Variants in AKT2 observed in about 807,000 individuals in gnomAD.
The protein encoded by AKT2 is RAC-beta serine/threonine-protein kinase.
In AKT2, 16 loss-of-function variants were observed where a neutral mutation model predicts 58.6. The observed-to-expected ratio is 0.27, with a 90% CI of 0.18 to 0.41. The LOEUF is 0.41. Ranked by LOEUF, AKT2 falls within the 10% of genes least tolerant of loss-of-function variation. The pLI, the probability that AKT2 is intolerant of heterozygous loss-of-function variation, is 1.00. For missense variants in AKT2, 438 were observed against 661.0 expected, an observed-to-expected ratio of 0.66 and a Z score of 3.70; for synonymous variants, 253 against 254.0, an observed-to-expected ratio of 1.00 and a Z score of 0.04.
chr19:40,255,355 GGCCTAGCCCCAT>G lies in AKT2; in HGVS notation c.176-98_176-87del, dbSNP rs575248695. On this transcript the variant is annotated intron_variant, in intron 3 of 13. Coordinates refer to ENST00000392038, the MANE Select transcript of AKT2 (RefSeq NM_001626.6). ...CAAAGTGCCCGAGCCACCTCCCACA[GGCCTAGCCCCAT>G]GCTAGATGGTGCTGGGGACACTCTA... 21 of 1,064,142 alleles carry G rather than the reference GGCCTAGCCCCAT, an allele frequency of 2.0e-5. No individual in the cohort carries two copies. The East Asian group carries it at 4.5e-4, about 23-fold the overall frequency. The allele number at this position is 1,064,142 out of a possible 1,614,324, so 65.9% of individuals were successfully genotyped here. A position where few individuals can be genotyped will look rare whatever the true frequency, so the allele number is the denominator to read the frequency against.
chr19:40,271,279 TAGTC>T (rs1030780764), intron 1 of AKT2, among the ~76,000 whole-genome samples: 3 of 147,572 alleles, frequency 2.0e-5, no homozygotes, highest in African/African-American at 5.0e-5. Context: ...ATATATATAG[TAGTC>T]AGGTGTGGTG....
At chr19:40,260,749 C>T (rs767360349) in intron 2 of AKT2, among the ~76,000 whole-genome samples, 7 of 149,036 alleles carry the variant, frequency 4.7e-5, no homozygotes, top group Non-Finnish European at 7.4e-5. Context: ...TAAGAAGGAA[C>T]GACATATTGA....
At chr19:40,260,415 A>G (rs1470374751) in intron 2 of AKT2, among the ~76,000 whole-genome samples, 3 of 152,004 alleles carry the variant, frequency 2.0e-5, no homozygotes, top group African/African-American at 7.3e-5. Flanking sequence ...GCGGATCCCA[A>G]GGTCAAGAGA....
At chr19:40,282,463 T>C (rs2077440039) in intron 1 of AKT2, 1 of 493,876 alleles carries the variant, frequency 2.0e-6, no homozygotes, top group East Asian at 5.8e-5. Flanking sequence ...GGTTAAAGGA[T>C]GCCTTGCCTC....
rs1427586140 is a variant in AKT2 at position 40,230,930 on chromosome 19, C to T, written c.*2942G>A. On this transcript the variant is annotated 3_prime_UTR_variant, in exon 14 of 14. Transcript: ENST00000392038. ...AGAGATGAAGGTCTCCCTATGATGC[C>T]CAGGCTGGTCTCGAACCCCTGGCCT... 5 of 189,026 alleles carry T rather than the reference C, an allele frequency of 2.6e-5. No homozygotes were observed. The highest frequency in any genetic ancestry group is 9.3e-5 in the African/African-American group (4 of 42,784). 11.7% of individuals were successfully genotyped at this position (189,026 alleles called of 1,614,324 possible).
intron 1 of AKT2, chr19:40,269,276 C>T (rs370385854): frequency 6.6e-6 from 1 of 152,416 alleles, no homozygotes; most frequent in East Asian, 1.9e-4. Flanking sequence ...GGGCATGAGT[C>T]TTCTGAGTGC....
In AKT2 at chr19:40,234,865, GGT is replaced by G; in HGVS notation, c.1366+178_1366+179del. Reference sequence around the variant, plus strand: ...GAACGTGCTGCAGTCAATGGCTCCTGGTGGCCTCACCAGGTCCAAAGAGGACC... The same window carrying G: ...GAACGTGCTGCAGTCAATGGCTCCTGGGCCTCACCAGGTCCAAAGAGGACC... On this transcript the variant is annotated intron_variant, in intron 13 of 13. Coordinates refer to ENST00000392038, the MANE Select transcript of AKT2 (RefSeq NM_001626.6). This position sits in a 1 kb window ranked among gnomAD's most constrained non-coding sequence, Gnocchi z 4.7. 1.4e-6 allele frequency: 1 copy of G among 700,032 alleles called. No homozygotes were observed. The highest frequency in any genetic ancestry group is 2.6e-6 in the Non-Finnish European group (1 of 387,294). The allele number at this position is 700,032 out of a possible 1,614,324, so 43.4% of individuals were successfully genotyped here.
In AKT2 at chr19:40,243,677, C is replaced by A. The variant is rs564259012; in HGVS notation, c.288-990G>T. On this transcript the variant is annotated intron_variant, in intron 4 of 13. Coordinates refer to ENST00000392038, the MANE Select transcript of AKT2 (RefSeq NM_001626.6). ...GCCAAGGTGGACCAAGTGCTTGAGC[C>A]GAAGCGTTCAAGACCAGCCTAGGTA... is the stretch of plus-strand genomic sequence containing the variant. The A allele has an allele frequency of 2.1e-3, 318 of 152,154 alleles. 2 individuals are homozygous for A. Among genetic ancestry groups the A allele is most frequent in the African/African-American group, 7.1e-3 (294 of 41,480 alleles). The allele number at this position is 152,154 out of a possible 1,614,324, so 9.4% of individuals were successfully genotyped here.
At position 40,273,962 on chromosome 19, in the gene AKT2, G is replaced by A. The variant is rs971051246; in HGVS notation, c.-84-8611C>T. Among the ~76,000 whole-genome samples, 3 of 152,172 alleles carry A rather than the reference G, an allele frequency of 2.0e-5. No homozygotes were observed. The East Asian group carries it at 5.8e-4, about 29-fold the overall frequency. On this transcript the variant is annotated intron_variant, in intron 1 of 13. Coordinates refer to ENST00000392038, the MANE Select transcript of AKT2 (RefSeq NM_001626.6). ...GCTCTCCAGCCTCACTGGTCTGCTC[G>A]CTCCAACACACAATCTCCCCTTCTC...
In AKT2 at chr19:40,234,726, A is replaced by G. The variant is rs1973903465; in HGVS notation, c.1366+319T>C. ...TCAATCAGTGCTGTGTCCCCAGCAT[A>G]GCCCAGCCCTGGGCTGAGTTCAGAG... is the stretch of plus-strand genomic sequence containing the variant. On this transcript the variant is annotated intron_variant, in intron 13 of 13. Transcript: ENST00000392038. The surrounding 1 kb of genome is among the most constrained non-coding windows in gnomAD (Gnocchi z 4.7). 5.0e-6 allele frequency: 3 copies of G among 601,090 alleles called. No individual in the cohort carries two copies. The highest frequency in any genetic ancestry group is 5.5e-5 in the East Asian group (2 of 36,366). 37.2% of individuals were successfully genotyped at this position (601,090 alleles called of 1,614,324 possible). A position where few individuals can be genotyped will look rare whatever the true frequency, so the allele number is the denominator to read the frequency against.
intron 7 of AKT2, chr19:40,239,232 C>T: frequency 2.1e-6 from 1 of 468,194 alleles, no homozygotes; most frequent in Non-Finnish European, 3.8e-6. Flanking sequence ...CAAGGGAGAA[C>T]TAGAGCTGTT....
In AKT2 at chr19:40,284,223, C is replaced by G. The variant is rs916703669; in HGVS notation, c.-85+958G>C. ...AGCTTCCCTGGGGGGAAGAGGTGTTCCCCCAAACACTCCTTCCTCCCAAGT... is the reference window on the plus strand; with the variant it reads ...AGCTTCCCTGGGGGGAAGAGGTGTTGCCCCAAACACTCCTTCCTCCCAAGT... On this transcript the variant is annotated intron_variant, in intron 1 of 13. Transcript: ENST00000392038. 3.9e-5 allele frequency among the ~76,000 whole-genome samples: 6 copies of G among 152,224 alleles called. No individual in the cohort carries two copies. In the South Asian group the frequency reaches 1.0e-3, roughly 26 times the overall value.
intron 4 of AKT2, among the ~76,000 whole-genome samples, chr19:40,248,920 C>G (rs1285877932): frequency 1.5e-5 from 1 of 68,722 alleles, no homozygotes. Flanking sequence ...GAGAGGAGTG[C>G]AGGAGATGAG....
At chr19:40,285,128 C>A in intron 1 of AKT2, 53 bp downstream of exon 1, 1 of 391,786 alleles carries the variant, frequency 2.6e-6, no homozygotes, top group Non-Finnish European at 4.5e-6. Flanking sequence ...GCGGGGGGCC[C>A]GGACGCGACC....
rs1011039203 is a variant in AKT2 at position 40,231,597 on chromosome 19, C to T, written c.*2275G>A. On this transcript the variant is annotated 3_prime_UTR_variant, in exon 14 of 14. Coordinates refer to ENST00000392038, the MANE Select transcript of AKT2 (RefSeq NM_001626.6). ...GGCAAAATCTCAAATTCATCTGTGC[C>T]AGGCCCTCTGCACAGCAGGGCTCAG... is the stretch of plus-strand genomic sequence containing the variant. The T allele has an allele frequency of 4.3e-6, 1 of 233,358 alleles. No homozygotes were observed. The highest frequency in any genetic ancestry group is 2.2e-5 in the African/African-American group (1 of 45,472). 14.5% of individuals were successfully genotyped at this position (233,358 alleles called of 1,614,324 possible).
At position 40,234,998 on chromosome 19, in the gene AKT2, T is replaced by C; in HGVS notation, c.1366+47A>G. ...GTGAGTTAAGAGCAGATCCCATCCC[T>C]CCACCCCTGGGGCAGGCACACCAGC... On this transcript the variant is annotated intron_variant, in intron 13 of 13. Transcript: ENST00000392038. The surrounding 1 kb of genome is among the most constrained non-coding windows in gnomAD (Gnocchi z 4.7). The C allele has an allele frequency of 1.3e-6, 2 of 1,526,640 alleles. No homozygotes were observed. Among genetic ancestry groups the C allele is most frequent in the Non-Finnish European group, 1.8e-6 (2 of 1,100,876 alleles). The allele number at this position is 1,526,640 out of a possible 1,614,324, so 94.6% of individuals were successfully genotyped here. A position where few individuals can be genotyped will look rare whatever the true frequency, so the allele number is the denominator to read the frequency against.
At chr19:40,253,633 G>A (rs1404316847) in intron 4 of AKT2, among the ~76,000 whole-genome samples, 2 of 152,096 alleles carry the variant, frequency 1.3e-5, no homozygotes, top group African/African-American at 2.4e-5. Context: ...CTCAGACATC[G>A]CCTAATAGAA....
At chr19:40,265,389 G>T in intron 1 of AKT2, 38 bp from the exon 2 acceptor site, 1 of 1,534,518 alleles carries the variant, frequency 6.5e-7, no homozygotes, top group Non-Finnish European at 8.7e-7. Context: ...GGCGGGAGGG[G>T]ATTCCACACC....
chr19:40,242,831 AC>A lies in AKT2; in HGVS notation c.288-145del. 1.1e-6 allele frequency: 1 copy of A among 904,766 alleles called. No homozygotes were observed. Among genetic ancestry groups the A allele is most frequent in the Non-Finnish European group, 1.7e-6 (1 of 582,054 alleles). The allele number at this position is 904,766 out of a possible 1,614,324, so 56.0% of individuals were successfully genotyped here. On this transcript the variant is annotated intron_variant, in intron 4 of 13. Transcript: ENST00000392038. This position sits in a 1 kb window ranked among gnomAD's most constrained non-coding sequence, Gnocchi z 4.3. ...GGGAATTTGGGCAAGATCTGTCAGA[AC>A]CAGAGAGAGCTGAAGGGACCTGAGT...
Sources: gnomAD v4.1 joint callset for allele counts (sites outside exome capture counted in the v4.1 genomes callset) on GRCh38, gnomAD v4.1.1 for gene constraint, Gnocchi (gnomAD v3.1) non-coding constraint, MANE v1.5 for transcripts, NCBI Gene and HGNC (gene_info 2026-07-23, HGNC 2026-07-21) for gene names.